Variants in BCO2 observed in about 807,000 individuals in gnomAD.
BCO2 encodes beta-carotene oxygenase 2, also known as carotenoid-cleaving dioxygenase, mitochondrial.
BCO2 carries 56 observed loss-of-function variants against 65.8 expected under a neutral mutation model. The observed-to-expected ratio is 0.85, with a 90% confidence interval of 0.69 to 1.06. The LOEUF is 1.06. BCO2 is among the 50% of genes least tolerant of loss of function. The probability of loss-of-function intolerance (pLI) is 0.00; values close to 1 mark genes in which losing one functional copy is unlikely to be tolerated. For missense variants in BCO2, 675 were observed against 698.5 expected, an observed-to-expected ratio of 0.97 and a Z score of 0.38; for synonymous variants, 233 against 242.3, an observed-to-expected ratio of 0.96 and a Z score of 0.36.
intron 9 of BCO2, among the ~76,000 whole-genome samples, chr11:112,214,168 A>T (rs78467073): frequency 0.011 from 1,736 of 151,466 alleles, 14 homozygotes; most frequent in Middle Eastern, 0.021. Context: ...ATTTTTTGAG[A>T]TGGAGTCTTG....
intron 2 of BCO2, chr11:112,179,745 G>T: frequency 2.3e-6 from 1 of 444,108 alleles, no homozygotes; most frequent in Non-Finnish European, 4.1e-6. Flanking sequence ...CTGTCAGTGT[G>T]GTGACTGAGC....
intron 8 of BCO2, among the ~76,000 whole-genome samples, chr11:112,210,571 C>G (rs1379113579): frequency 1.3e-5 from 2 of 152,262 alleles, no homozygotes; most frequent in African/African-American, 2.4e-5. Context: ...TTTTGTCACT[C>G]TAGCCCTCAA....
At chr11:112,194,373 A>G in intron 4 of BCO2, 2 of 427,092 alleles carry the variant, frequency 4.7e-6, no homozygotes, top group Non-Finnish European at 8.2e-6. Flanking sequence ...TAGATTTTTA[A>G]TTTTAATTCT....
At chr11:112,196,948 T>G (rs916102522) in intron 5 of BCO2, among the ~76,000 whole-genome samples, 2 of 144,440 alleles carry the variant, frequency 1.4e-5, no homozygotes, top group African/African-American at 5.1e-5. Flanking sequence ...TTCCCTTCCC[T>G]TCCCTTCCCT....
intron 5 of BCO2, among the ~76,000 whole-genome samples, chr11:112,197,621 T>C (rs1867618060): frequency 6.6e-6 from 1 of 151,858 alleles, no homozygotes; most frequent in Non-Finnish European, 1.5e-5. Context: ...TCACACCACC[T>C]CCATGGCCAC....
intron 9 of BCO2, 155 bp from the exon 10 acceptor site, chr11:112,214,607 T>G: frequency 1.6e-6 from 1 of 611,246 alleles, no homozygotes; most frequent in Non-Finnish European, 2.9e-6. Flanking sequence ...TCCACACATA[T>G]GATGGAAAGA....
chr11:112,184,540 A>C (rs1479956678), intron 2 of BCO2, among the ~76,000 whole-genome samples: 1 of 152,164 alleles, frequency 6.6e-6, no homozygotes, highest in Non-Finnish European at 1.5e-5. Context: ...GGCATGAGCC[A>C]CTGTGCCTGG....
At chr11:112,215,528 G>A (rs1355312622) in intron 10 of BCO2, 1 of 154,300 alleles carries the variant, frequency 6.5e-6, no homozygotes, top group African/African-American at 2.4e-5. Flanking sequence ...GGCCAACACG[G>A]TGAAACCCTG....
Position 112,208,257 on chromosome 11 carries a change from T to G in BCO2, c.1195-5467T>G, listed in dbSNP as rs565982947. Among the ~76,000 whole-genome samples the G allele has an allele frequency of 2.8e-4, 42 of 152,316 alleles. 2 individuals are homozygous for G. The South Asian group carries it at 8.7e-3, about 32-fold the overall frequency. ...GATTACAGGAATGAGTCACCGCACC[T>G]GGCCGGCAATTGATTTTTGTTTGTT... is the stretch of plus-strand genomic sequence containing the variant. On this transcript the variant is annotated intron_variant, in intron 8 of 11. Coordinates refer to ENST00000357685, the MANE Select transcript of BCO2 (RefSeq NM_031938.7).
Position 112,181,179 on chromosome 11 carries a change from T to G in BCO2, c.293+1697T>G, listed in dbSNP as rs1315739342. 3 of 786,326 alleles carry G rather than the reference T, an allele frequency of 3.8e-6. No individual in the cohort carries two copies. The East Asian group carries it at 8.0e-5, about 21-fold the overall frequency. 48.7% of individuals were successfully genotyped at this position (786,326 alleles called of 1,614,324 possible). On this transcript the variant is annotated intron_variant, in intron 2 of 11. Transcript: ENST00000357685. Reference sequence around the variant, plus strand: ...AGTAAGCAAGATGATAGAGGAGCTTTCTTTTTTTTTTTTTTTTTTTGAGAC... The same window carrying G: ...AGTAAGCAAGATGATAGAGGAGCTTGCTTTTTTTTTTTTTTTTTTTGAGAC...
rs75777889 is a variant in BCO2, at chr11:112,201,624, T to G, written c.1027-399T>G. On this transcript the variant is annotated intron_variant, in intron 7 of 11. Coordinates refer to ENST00000357685, the MANE Select transcript of BCO2 (RefSeq NM_031938.7). ...TCTGGATCTCATTACAAAAAAAAATTTAGTAATGACTGCACCTTAAAAAAA... is the reference window on the plus strand; with the variant it reads ...TCTGGATCTCATTACAAAAAAAAATGTAGTAATGACTGCACCTTAAAAAAA... Among the ~76,000 whole-genome samples, 404 of 151,572 alleles carry G rather than the reference T, an allele frequency of 2.7e-3. 6 individuals are homozygous for G. The East Asian group carries it at 0.03, about 11-fold the overall frequency.
chr11:112,208,668 C>T, intron 8 of BCO2: 1 of 211,684 alleles, frequency 4.7e-6, no homozygotes, highest in South Asian at 9.1e-5. Context: ...CATTAATAAG[C>T]TTCCCTGCTG....
chr11:112,197,071 G>A (rs934297982), intron 5 of BCO2, among the ~76,000 whole-genome samples: 4 of 151,934 alleles, frequency 2.6e-5, no homozygotes, highest in African/African-American at 9.7e-5. Flanking sequence ...TTGAACTCCT[G>A]GGCTCAAGAC....
At chr11:112,190,835 C>T (rs1477919135) in intron 2 of BCO2, among the ~76,000 whole-genome samples, 11 of 126,986 alleles carry the variant, frequency 8.7e-5, no homozygotes, top group African/African-American at 1.8e-4. Flanking sequence ...CAGCCTGGGG[C>T]GACAGAGTGA....
At chr11:112,198,997 T>C (rs1389760999) in intron 5 of BCO2, among the ~76,000 whole-genome samples, 4 of 152,094 alleles carry the variant, frequency 2.6e-5, no homozygotes, top group Non-Finnish European at 5.9e-5. Flanking sequence ...CTGGGGTACA[T>C]GTGCAGAACG....
chr11:112,179,939 A>G (rs535411292), intron 2 of BCO2: 2 of 163,156 alleles, frequency 1.2e-5, no homozygotes, highest in Admixed American at 1.1e-4. Flanking sequence ...TGGTCTTTTC[A>G]TTCAGATGTC....
intron 10 of BCO2, 179 bp from the exon 11 acceptor site, chr11:112,216,041 C>A: frequency 1.7e-6 from 1 of 594,800 alleles, no homozygotes; most frequent in Non-Finnish European, 3.0e-6. Flanking sequence ...CCCCCATCAC[C>A]CAGCACTTCC....
intron 2 of BCO2, among the ~76,000 whole-genome samples, chr11:112,182,108 C>T (rs2135349510): frequency 6.6e-6 from 1 of 152,334 alleles, no homozygotes; most frequent in Admixed American, 6.5e-5. Flanking sequence ...AAATGCTCAT[C>T]ATCACTGGCC....
chr11:112,194,562 CAT>C (rs1485690272), intron 4 of BCO2, 89 bp from the exon 5 acceptor site: 4 of 792,838 alleles, frequency 5.0e-6, no homozygotes, highest in Non-Finnish European at 8.3e-6. Context: ...GTTTTCTTAT[CAT>C]ATTTTTAAAA....
Sources: gnomAD v4.1 joint callset for allele counts (sites outside exome capture counted in the v4.1 genomes callset) on GRCh38, gnomAD v4.1.1 for gene constraint, MANE v1.5 for transcripts, NCBI Gene and HGNC (gene_info 2026-07-23, HGNC 2026-07-21) for gene names.